ANKDD1A: variants seen among roughly 807,000 people sequenced by gnomAD.
The protein encoded by ANKDD1A is ankyrin repeat and death domain-containing protein 1A.
ANKDD1A carries 59 observed loss-of-function variants against 63.5 expected under a neutral mutation model. The ratio of observed to expected loss-of-function variants is 0.93; its 90% CI spans 0.75 to 1.15. ANKDD1A has a LOEUF of 1.15. ANKDD1A is among the 50% of genes most tolerant of loss of function. ANKDD1A has a pLI of 0.00. For missense variants in ANKDD1A, 632 were observed against 656.4 expected (o/e 0.96, Z 0.41); for synonymous variants, 266 against 263.9 (o/e 1.01, Z -0.08).
chr15:64,930,768 G>A, intron 6 of ANKDD1A, 54 bp from the exon 7 acceptor site: 1 of 1,558,180 alleles, frequency 6.4e-7, no homozygotes, highest in Non-Finnish European at 8.7e-7. Context: ...TCACAGGTCT[G>A]TGATTCTGGG....
chr15:64,930,938 G>T lies in ANKDD1A; in HGVS notation c.669+18G>T. ...AGAATGCGGTGAGTCACCGCCTGGG[G>T]ATGGCGAGATGCATGACCCTTGCTT... On this transcript the variant is annotated intron_variant, in intron 7 of 14. Coordinates refer to ENST00000319580, the MANE Select transcript of ANKDD1A (RefSeq NM_182703.6). 6.2e-7 allele frequency: 1 copy of T among 1,605,614 alleles called. No individual in the cohort carries two copies. Among genetic ancestry groups the T allele is most frequent in the South Asian group, 1.1e-5 (1 of 90,164 alleles).
At chr15:64,912,041 G>T in intron 1 of ANKDD1A, 77 bp downstream of exon 1, 1 of 1,223,792 alleles carries the variant, frequency 8.2e-7, no homozygotes, top group South Asian at 4.1e-5. Flanking sequence ...AGTGCCAGGG[G>T]TGAGGTTGGC....
chr15:64,917,996 C>T (rs2084982566), intron 3 of ANKDD1A, among the ~76,000 whole-genome samples: 1 of 152,342 alleles, frequency 6.6e-6, no homozygotes, highest in East Asian at 1.9e-4. Flanking sequence ...ATTATCTCTA[C>T]AGGTTTGGGA....
chr15:64,921,937 T>C lies in ANKDD1A; in HGVS notation c.284T>C (p.Leu95Pro), dbSNP rs1348511888. 4 of 1,614,040 alleles carry C rather than the reference T, an allele frequency of 2.5e-6. No individual in the cohort carries two copies. The highest frequency in any genetic ancestry group is 1.3e-5 in the African/African-American group (1 of 74,918). The change falls in exon 4 of 15, where the codon CTT (leucine) becomes CCT (proline). Residue 95 changes from leucine to proline, a missense_variant. Leu to Pro is a moderately conservative substitution (Grantham distance 98, BLOSUM62 -3). Transcript: ENST00000319580. ...CTCCCCTAGTTTGGGATGAATGCGC[T>C]TCTCCTGTCTGCCTGGTTCGGCCAC... ...EARLCFGMNA[L>P]LLSAWFGHLR...
intron 1 of ANKDD1A, among the ~76,000 whole-genome samples, chr15:64,914,405 A>G (rs1469996401): frequency 6.6e-6 from 1 of 152,220 alleles, no homozygotes; most frequent in African/African-American, 2.4e-5. Context: ...CTCTTGCCTT[A>G]GCTTCTTGAG....
chr15:64,942,410 G>C, intron 9 of ANKDD1A, 57 bp from the exon 10 acceptor site: 1 of 1,362,008 alleles, frequency 7.3e-7, no homozygotes, highest in East Asian at 2.6e-5. Flanking sequence ...GCACCAGCCT[G>C]CAGCTGGGCA....
chr15:64,953,845 TCTTCTTTCCTC>T (rs2085361836), intron 14 of ANKDD1A, among the ~76,000 whole-genome samples: 1 of 13,956 alleles, frequency 7.2e-5, no homozygotes, highest in African/African-American at 1.0e-4. Context: ...CCTCTTCTTT[TCTTCTTTCCTC>T]TTCTTCCTCT....
In ANKDD1A at chr15:64,943,495, G is replaced by T. The variant is rs762452141; in HGVS notation, c.978G>T (p.Thr326=). ...DVNAVDNRQQ[T]PLHLAAEHAW... ...GGCTTCTCCCCTAGAGGCAGCAGAC[G>T]CCCCTTCACCTGGCTGCAGAGCACG... is the stretch of plus-strand genomic sequence containing the variant. Residue 326 remains threonine, a synonymous_variant, in exon 11 of 15, where the codon ACG becomes ACT. Coordinates refer to ENST00000319580, the MANE Select transcript of ANKDD1A (RefSeq NM_182703.6). 1 of 1,614,092 alleles carries T rather than the reference G, an allele frequency of 6.2e-7. No individual in the cohort carries two copies. Among genetic ancestry groups the T allele is most frequent in the Non-Finnish European group, 8.5e-7 (1 of 1,179,996 alleles).
Position 64,922,077 on chromosome 15 carries a change from G to A in ANKDD1A, c.366+58G>A, listed in dbSNP as rs1041169151. The A allele has an allele frequency of 2.6e-6, 4 of 1,527,240 alleles. No individual in the cohort carries two copies. In the Admixed American group the frequency reaches 7.0e-5, roughly 27 times the overall value. 94.6% of individuals were successfully genotyped at this position (1,527,240 alleles called of 1,614,324 possible). On this transcript the variant is annotated intron_variant, in intron 4 of 14. Transcript: ENST00000319580. ...CGGCTCCCCTGGCCTGGATGCACAG[G>A]TCTCCCCCGACCTCTGTCCCCCACC...
chr15:64,923,964 TTGTTTTC>T (rs1041655078), intron 4 of ANKDD1A, among the ~76,000 whole-genome samples: 2 of 152,234 alleles, frequency 1.3e-5, no homozygotes, highest in African/African-American at 4.8e-5. Context: ...CCCTCTATAT[TTGTTTTC>T]TGTTTTTGGC....
chr15:64,937,316 A>G (rs746668199), intron 9 of ANKDD1A, among the ~76,000 whole-genome samples: 1 of 152,260 alleles, frequency 6.6e-6, no homozygotes, highest in African/African-American at 2.4e-5. Context: ...GATAATATGT[A>G]CAAGGTTTTT....
intron 1 of ANKDD1A, among the ~76,000 whole-genome samples, chr15:64,912,172 G>A (rs1458700308): frequency 1.3e-5 from 2 of 152,184 alleles, no homozygotes; most frequent in African/African-American, 4.8e-5. Context: ...GACCACACCC[G>A]CCAGGTGAGC....
chr15:64,954,897 C>T (rs1320417860), intron 14 of ANKDD1A, among the ~76,000 whole-genome samples: 25 of 132,218 alleles, frequency 1.9e-4, no homozygotes, highest in Admixed American at 1.5e-3. Context: ...CTCCTTCTTC[C>T]TTCTTCTCTT....
chr15:64,954,751 T>TTTC (rs142805947), intron 14 of ANKDD1A, among the ~76,000 whole-genome samples: 32 of 136,576 alleles, frequency 2.3e-4, no homozygotes, highest in African/African-American at 8.2e-4. Flanking sequence ...CTCCTTCTTC[T>TTTC]TTCTTTTTGT....
intron 4 of ANKDD1A, among the ~76,000 whole-genome samples, chr15:64,925,254 G>GT (rs1387517060): frequency 6.9e-6 from 1 of 144,976 alleles, no homozygotes; most frequent in Non-Finnish European, 1.5e-5. Flanking sequence ...AAAAAAAGAA[G>GT]TACACATATT....
intron 1 of ANKDD1A, among the ~76,000 whole-genome samples, chr15:64,915,341 G>A (rs1175234709): frequency 6.6e-6 from 1 of 152,164 alleles, no homozygotes; most frequent in Non-Finnish European, 1.5e-5. Context: ...GCAGGAGTGG[G>A]GTAAACATGC....
intron 14 of ANKDD1A, among the ~76,000 whole-genome samples, chr15:64,952,981 TCTC>T (rs1249395208): frequency 1.9e-5 from 1 of 52,074 alleles, no homozygotes; most frequent in East Asian, 7.3e-4. Flanking sequence ...TCTTCTTGTC[TCTC>T]CTTCTTCTCC....
chr15:64,942,532 C>G lies in ANKDD1A; in HGVS notation c.933C>G (p.Ile311Met). The G allele has an allele frequency of 8.1e-6, 13 of 1,613,956 alleles. No individual in the cohort carries two copies. Among genetic ancestry groups the G allele is most frequent in the Non-Finnish European group, 1.1e-5 (13 of 1,179,940 alleles). Residue 311 changes from isoleucine to methionine, a missense_variant, in exon 10 of 15, where the codon ATC becomes ATG. Transcript: ENST00000319580. ...TCCCTGCCTTGGTCCGGCTCCTCAT[C>G]AACTCCGACAGTGACGTGAATGCCG... ...HNFPALVRLL[I>M]NSDSDVNAVD... is the part of the protein sequence containing the mutation.
chr15:64,957,243 A>AGAT lies in ANKDD1A; in HGVS notation c.*57_*59dup. On this transcript the variant is annotated 3_prime_UTR_variant, in exon 15 of 15. Coordinates refer to ENST00000319580, the MANE Select transcript of ANKDD1A (RefSeq NM_182703.6). ...TGGCTAATTTTTGTATTTTTAGTAG[A>AGAT]GATGGGGTTTGGCCATGATGGCCAG... is the stretch of plus-strand genomic sequence containing the variant. 3.1e-6 allele frequency: 1 copy of AGAT among 320,934 alleles called. No homozygotes were observed. The highest frequency in any genetic ancestry group is 2.3e-5 in the South Asian group (1 of 44,374). The allele number at this position is 320,934 out of a possible 1,614,324, so 19.9% of individuals were successfully genotyped here.
Sources: allele counts gnomAD v4.1 joint callset (sites outside exome capture counted in the v4.1 genomes callset), GRCh38; gene constraint gnomAD v4.1.1; transcripts MANE v1.5; gene names NCBI Gene and HGNC (gene_info 2026-07-23, HGNC 2026-07-21).